CEP164: variants seen among roughly 807,000 people sequenced by gnomAD.
CEP164 encodes centrosomal protein of 164 kDa.
A neutral mutation model predicts 182.7 loss-of-function variants in CEP164; 162 were observed. The observed-to-expected ratio is 0.89, with a 90% CI of 0.78 to 1.01. The LOEUF is 1.01. CEP164 is among the 50% of genes least tolerant of loss of function. The probability of loss-of-function intolerance (pLI) is 0.00; values close to 1 mark genes in which losing one functional copy is unlikely to be tolerated. For synonymous variants in CEP164, 661 were observed against 690.0 expected (o/e 0.96, Z 0.66); for missense variants, 1,735 against 1,790.4 (o/e 0.97, Z 0.56).
chr11:117,335,183 C>T (rs114584927), intron 1 of CEP164, among the ~76,000 whole-genome samples: 26 of 152,298 alleles, frequency 1.7e-4, no homozygotes, highest in African/African-American at 5.8e-4. Context: ...AGGCCTGCGT[C>T]GCCTCTGACT....
At chr11:117,355,978 C>T (rs1455820583) in intron 5 of CEP164, 3 of 1,116,684 alleles carry the variant, frequency 2.7e-6, no homozygotes, top group East Asian at 8.0e-5. Flanking sequence ...AGAAGCCTAG[C>T]TTGTCTGGGC....
At chr11:117,341,518 A>G (rs1213782231) in intron 3 of CEP164, among the ~76,000 whole-genome samples, 1 of 151,200 alleles carries the variant, frequency 6.6e-6, no homozygotes, top group East Asian at 2.0e-4. Context: ...AACTTGGCTT[A>G]TTGAAGCCTT....
chr11:117,397,859 G>A (rs928883681), intron 27 of CEP164, among the ~76,000 whole-genome samples: 1 of 152,134 alleles, frequency 6.6e-6, no homozygotes, highest in African/African-American at 2.4e-5. Flanking sequence ...GGGACACAGA[G>A]CCAAACCATA....
At chr11:117,356,043 TG>T in intron 5 of CEP164, 2 of 1,122,636 alleles carry the variant, frequency 1.8e-6, no homozygotes, top group South Asian at 2.1e-5. Flanking sequence ...GCCTCACACC[TG>T]GGCTCTCCTG....
intron 30 of CEP164, chr11:117,410,558 C>A: frequency 2.9e-6 from 1 of 342,578 alleles, no homozygotes; most frequent in Non-Finnish European, 5.4e-6. Flanking sequence ...GTGGCCTCCC[C>A]AGGTCTCAGC....
chr11:117,345,293 T>A (rs1056198609), intron 4 of CEP164, among the ~76,000 whole-genome samples: 2 of 152,130 alleles, frequency 1.3e-5, no homozygotes, highest in African/African-American at 4.8e-5. Context: ...TCTGTCTTCC[T>A]CCTCCTCCTG....
In CEP164 at chr11:117,344,234, C is replaced by G; in HGVS notation, c.151C>G (p.Arg51Gly). The G allele has an allele frequency of 6.2e-7, 1 of 1,613,414 alleles. No individual in the cohort carries two copies. Among genetic ancestry groups the G allele is most frequent in the Non-Finnish European group, 8.5e-7 (1 of 1,179,756 alleles). ...IKEPELMWLA[R>G]EGIVAPLPGE... ...GGAACCAGAACTGATGTGGCTGGCG[C>G]GAGAGGGCATCGTGGCCCCACTGCC... Residue 51 changes from arginine to glycine, a missense_variant, in exon 4 of 33, where the codon CGA becomes GGA. Arg to Gly is a moderately radical substitution (Grantham distance 125). Transcript: ENST00000278935.
In CEP164 at chr11:117,410,862, G is replaced by T. The variant is rs141080271; in HGVS notation, c.4131G>T (p.Pro1377=). 3.0e-5 allele frequency: 49 copies of T among 1,613,258 alleles called. No homozygotes were observed. In the East Asian group the frequency reaches 9.8e-4, roughly 32 times the overall value. ...CGCTGCTCAGCAACAGCCCCACCCCGCTGGAGAGCAGGCTGGGTTACATGT... is the reference window on the plus strand; with the variant it reads ...CGCTGCTCAGCAACAGCCCCACCCCTCTGGAGAGCAGGCTGGGTTACATGT... The part of the protein sequence containing the change: ...GIPLLSNSPT[P]LESRLGYMSA... Residue 1377 remains proline, a synonymous_variant, in exon 31 of 33, where the codon CCG becomes CCT. Coordinates refer to ENST00000278935, the MANE Select transcript of CEP164 (RefSeq NM_014956.5).
At chr11:117,334,873 G>A (rs1304672829) in intron 1 of CEP164, among the ~76,000 whole-genome samples, 1 of 151,690 alleles carries the variant, frequency 6.6e-6, no homozygotes, top group African/African-American at 2.4e-5. Context: ...TACCTGTCCT[G>A]TGCTTGCTGG....
rs2045182630 is a variant in CEP164, at chr11:117,394,580, G to A, written c.2760+87G>A. On this transcript the variant is annotated intron_variant, in intron 21 of 32. Coordinates refer to ENST00000278935, the MANE Select transcript of CEP164 (RefSeq NM_014956.5). This position sits in a 1 kb window ranked among gnomAD's most constrained non-coding sequence, Gnocchi z 4.0. ...GGGAGCAGACGCATGGCCCCAGCAGGATGCAGCCTGACAGCTTCTGGAGTG... is the reference window on the plus strand; with the variant it reads ...GGGAGCAGACGCATGGCCCCAGCAGAATGCAGCCTGACAGCTTCTGGAGTG... 1 of 1,504,788 alleles carries A rather than the reference G, an allele frequency of 6.6e-7. No individual in the cohort carries two copies. Among genetic ancestry groups the A allele is most frequent in the Admixed American group, 2.1e-5 (1 of 47,026 alleles). The allele number at this position is 1,504,788 out of a possible 1,614,324, so 93.2% of individuals were successfully genotyped here. A position where few individuals can be genotyped will look rare whatever the true frequency, so the allele number is the denominator to read the frequency against.
rs374465259 is a variant in CEP164 at position 117,363,429 on chromosome 11, A to T, written c.688A>T (p.Ser230Cys). The T allele has an allele frequency of 1.9e-6, 3 of 1,612,274 alleles. No individual in the cohort carries two copies. The African/African-American group carries it at 4.0e-5, about 22-fold the overall frequency. ...CACTTGTCATCATTTTTGTTTCTAGAGTGTCCACAGCTCAAGTGAGCCTCT... is the reference window on the plus strand; with the variant it reads ...CACTTGTCATCATTTTTGTTTCTAGTGTGTCCACAGCTCAAGTGAGCCTCT... ...EEDEEESDNQ[S>C]VHSSSEPLRN... The change falls in exon 8 of 33, where the codon AGT (serine) becomes TGT (cysteine). Residue 230 changes from serine to cysteine, a missense_variant and splice_region_variant. Coordinates refer to ENST00000278935, the MANE Select transcript of CEP164 (RefSeq NM_014956.5).
intron 11 of CEP164, 133 bp from the exon 12 acceptor site, chr11:117,380,481 A>C (rs2043197757): frequency 1.5e-6 from 1 of 686,514 alleles, no homozygotes; most frequent in African/African-American, 1.8e-5. Context: ...CTTCTGTTCT[A>C]CGTCCCGTAT....
At position 117,409,989 on chromosome 11, in the gene CEP164, C is replaced by T. The variant is rs184462899; in HGVS notation, c.4096+24C>T. ...ATGTAAGCCCCACTCTGGGCGGAGC[C>T]TTCCCACCTGCCTCCTCCTCCTCCT... On this transcript the variant is annotated intron_variant, in intron 30 of 32. Transcript: ENST00000278935. The surrounding 1 kb of genome is among the most constrained non-coding windows in gnomAD (Gnocchi z 4.4). 1 of 1,601,942 alleles carries T rather than the reference C, an allele frequency of 6.2e-7. No homozygotes were observed. The highest frequency in any genetic ancestry group is 2.2e-5 in the East Asian group (1 of 44,550).
At chr11:117,386,727 T>C (rs548813361) in intron 14 of CEP164, 67 of 166,120 alleles carry the variant, frequency 4.0e-4, no homozygotes, top group Non-Finnish European at 7.7e-4. Context: ...CCATATACAT[T>C]GGCCACTACT....
chr11:117,371,415 G>A lies in CEP164; in HGVS notation c.1101G>A (p.Glu367=). The change falls in exon 9 of 33, where the codon GAG becomes GAA. Residue 367 remains glutamate (E), a synonymous_variant. Transcript: ENST00000278935. ...EGSRREEAAK[E]PKKKASALEE... ...CCAGGAGGGAAGAGGCAGCCAAGGA[G>A]CCAAAGAAGAAGGCTTCTGCTCTGG... is the stretch of plus-strand genomic sequence containing the variant. The A allele has an allele frequency of 6.2e-7, 1 of 1,614,044 alleles. No homozygotes were observed. Among genetic ancestry groups the A allele is most frequent in the Non-Finnish European group, 8.5e-7 (1 of 1,179,968 alleles).
intron 9 of CEP164, 40 bp downstream of exon 9, chr11:117,371,506 C>T: frequency 6.4e-7 from 1 of 1,569,788 alleles, no homozygotes; most frequent in Non-Finnish European, 8.6e-7. Context: ...TGGCTGTAGC[C>T]CTCTGCTGCT....
chr11:117,332,119 C>T (rs902263887), intron 1 of CEP164, among the ~76,000 whole-genome samples: 6 of 151,788 alleles, frequency 4.0e-5, no homozygotes, highest in South Asian at 2.1e-4. Context: ...CCACAACACC[C>T]GGCCTATTCC....
chr11:117,395,570 G>T lies in CEP164; in HGVS notation c.2937G>T (p.Gln979His). The T allele has an allele frequency of 6.2e-7, 1 of 1,612,816 alleles. No individual in the cohort carries two copies. Among genetic ancestry groups the T allele is most frequent in the Middle Eastern group, 1.7e-4 (1 of 5,964 alleles). The change falls in exon 24 of 33, where the codon CAG becomes CAT. Residue 979 changes from glutamine to histidine, a missense_variant. Transcript: ENST00000278935. ...AGGAAGCCACAGCCACCCATCAGCAGCTGGAGGAGGCACAGAAGGAGCACA... is the reference window on the plus strand; with the variant it reads ...AGGAAGCCACAGCCACCCATCAGCATCTGGAGGAGGCACAGAAGGAGCACA... Reference protein sequence around the residue: ...KSEEATATHQQLEEAQKEHTH... With the variant: ...KSEEATATHQHLEEAQKEHTH...
intron 27 of CEP164, among the ~76,000 whole-genome samples, chr11:117,402,860 TG>T (rs1224495173): frequency 6.6e-6 from 1 of 152,252 alleles, no homozygotes; most frequent in Admixed American, 6.5e-5. Flanking sequence ...TTTATGCATC[TG>T]GGTGCTCCTG....
Sources: gnomAD v4.1 joint callset for allele counts (sites outside exome capture counted in the v4.1 genomes callset) on GRCh38, gnomAD v4.1.1 for gene constraint, Gnocchi (gnomAD v3.1) non-coding constraint, MANE v1.5 for transcripts, NCBI Gene and HGNC (gene_info 2026-07-23, HGNC 2026-07-21) for gene names.